Variants in PRIMPOL observed in about 807,000 individuals in gnomAD.
PRIMPOL encodes primase and DNA directed polymerase, also known as DNA-directed primase/polymerase protein.
A neutral mutation model predicts 63.6 loss-of-function variants in PRIMPOL; 54 were observed. The ratio of observed to expected loss-of-function variants is 0.85; its 90% confidence interval spans 0.68 to 1.07. PRIMPOL has a LOEUF of 1.07. Among genes scored for constraint, PRIMPOL ranks in the 50% least tolerant of loss-of-function variants. The pLI is 0.00. For missense variants in PRIMPOL, 610 were observed against 648.3 expected (o/e 0.94, Z 0.64); for synonymous variants, 197 against 220.2 (o/e 0.89, Z 0.93).
chr4:184,660,513 G>A (rs1242425647), intron 4 of PRIMPOL, among the ~76,000 whole-genome samples: 2 of 152,182 alleles, frequency 1.3e-5, no homozygotes, highest in African/African-American at 4.8e-5. Flanking sequence ...TGAGTAATGT[G>A]TGGAAAAGGA....
In PRIMPOL at chr4:184,694,275, T is replaced by G. The variant is rs546808325; in HGVS notation, c.1426-247T>G. 4 of 1,238,238 alleles carry G rather than the reference T, an allele frequency of 3.2e-6. No individual in the cohort carries two copies. The Admixed American group carries it at 1.5e-4, about 45-fold the overall frequency. 76.7% of individuals were successfully genotyped at this position (1,238,238 alleles called of 1,614,324 possible). On this transcript the variant is annotated intron_variant, in intron 13 of 13. Transcript: ENST00000314970. ...TCTTCCGTCGGGGAGTATTGAAAAG[T>G]ATGTGCACAGAACTGTAGGTAATTT...
chr4:184,683,367 A>C (rs1206365040), intron 9 of PRIMPOL, among the ~76,000 whole-genome samples: 1 of 151,774 alleles, frequency 6.6e-6, no homozygotes, highest in Non-Finnish European at 1.5e-5. Context: ...GGTTGCAGTG[A>C]GCTGAGATTG....
rs1459626571 is a variant in PRIMPOL, at chr4:184,672,366, G to A, written c.750G>A (p.Leu250=). The change falls in exon 7 of 14, where the codon CTG becomes CTA. Residue 250 remains leucine, a synonymous_variant. Coordinates refer to ENST00000314970, the MANE Select transcript of PRIMPOL (RefSeq NM_152683.4). ...EESWTSNSKK[L]ERLGSAEQSS... ...GCTGGACATCGAATTCAAAGAAACT[G>A]GAGAGGCTGGGGTCAGCTGAGCAAA... 1 of 1,614,120 alleles carries A rather than the reference G, an allele frequency of 6.2e-7. No homozygotes were observed. The highest frequency in any genetic ancestry group is 8.5e-7 in the Non-Finnish European group (1 of 1,179,996).
At position 184,659,393 on chromosome 4, in the gene PRIMPOL, C is replaced by T; in HGVS notation, c.234C>T (p.Tyr78=). 6.2e-7 allele frequency: 1 copy of T among 1,613,906 alleles called. No individual in the cohort carries two copies. The highest frequency in any genetic ancestry group is 8.5e-7 in the Non-Finnish European group (1 of 1,179,820). The change falls in exon 4 of 14, where the codon TAC becomes TAT. Residue 78 remains tyrosine, a synonymous_variant. Transcript: ENST00000314970. ...AAGTAGGAGATGGACAACGTATTTA[C>T]CTTGTGACAACCTATGCTGAATTTT... The part of the protein sequence containing the change: ...ECKVGDGQRI[Y]LVTTYAEFWF...
intron 5 of PRIMPOL, among the ~76,000 whole-genome samples, chr4:184,663,590 T>C (rs1281032681): frequency 6.6e-6 from 1 of 152,194 alleles, no homozygotes; most frequent in Non-Finnish European, 1.5e-5. Flanking sequence ...GCAAAGACCA[T>C]GTAGGTGTTT....
At chr4:184,654,454 T>TTTTTTTTTTTTGG (rs1220559115) in intron 2 of PRIMPOL, among the ~76,000 whole-genome samples, 1 of 112,356 alleles carries the variant, frequency 8.9e-6, no homozygotes, top group Non-Finnish European at 2.0e-5. Context: ...GTTAAAGCAG[T>TTTTTTTTTTTTGG]TTTTTTTTTT....
chr4:184,671,942 G>C (rs372414610), intron 6 of PRIMPOL, among the ~76,000 whole-genome samples: 1 of 151,714 alleles, frequency 6.6e-6, no homozygotes, highest in Non-Finnish European at 1.5e-5. Flanking sequence ...GGGTTTCACC[G>C]TGTTAACCAG....
intron 8 of PRIMPOL, among the ~76,000 whole-genome samples, chr4:184,679,710 C>G (rs1263137681): frequency 1.3e-5 from 2 of 152,146 alleles, no homozygotes; most frequent in Non-Finnish European, 2.9e-5. Flanking sequence ...AGCAATACCA[C>G]CTTCCCACCT....
At position 184,694,920 on chromosome 4, in the gene PRIMPOL, A is replaced by G. The variant is rs1760187124; in HGVS notation, c.*141A>G. The G allele has an allele frequency of 1.5e-6, 1 of 674,946 alleles. No individual in the cohort carries two copies. The highest frequency in any genetic ancestry group is 2.4e-6 in the Non-Finnish European group (1 of 415,508). 41.8% of individuals were successfully genotyped at this position (674,946 alleles called of 1,614,324 possible). On this transcript the variant is annotated 3_prime_UTR_variant, in exon 14 of 14. Transcript: ENST00000314970. ...CAATTTTTGTTTTTTACTTCTGTAAACCAATTTCATTAAAAATTAGCTTTG... is the reference window on the plus strand; with the variant it reads ...CAATTTTTGTTTTTTACTTCTGTAAGCCAATTTCATTAAAAATTAGCTTTG...
rs1224803801 is a variant in PRIMPOL at position 184,672,441 on chromosome 4, G to T, written c.825G>T (p.Lys275Asn). Residue 275 changes from lysine to asparagine, a missense_variant, in exon 7 of 14, where the codon AAG (lysine) becomes AAT (asparagine). Around this residue, in one of 3 missense-constraint regions of PRIMPOL, gnomAD observed 444 missense variants for 456.4 expected, o/e 0.97. Coordinates refer to ENST00000314970, the MANE Select transcript of PRIMPOL (RefSeq NM_152683.4). The part of the protein sequence containing the change: ...FLVVKNNMGE[K>N]HLFVDLGVYT... ...TTGTGAAGAATAACATGGGAGAGAA[G>T]CATCTTTTTGTAGATCTCGGTAAGT... The T allele has an allele frequency of 6.2e-7, 1 of 1,608,948 alleles. No individual in the cohort carries two copies. Among genetic ancestry groups the T allele is most frequent in the Admixed American group, 1.7e-5 (1 of 58,874 alleles).
At chr4:184,691,464 G>A (rs373244833) in intron 11 of PRIMPOL, 35 bp from the exon 12 acceptor site, 104 of 1,255,724 alleles carry the variant, frequency 8.3e-5, no homozygotes, top group Non-Finnish European at 1.0e-4. Flanking sequence ...CCCAGTCTTG[G>A]TATTAATACT....
At chr4:184,692,210 A>T (rs1758768039) in intron 13 of PRIMPOL, among the ~76,000 whole-genome samples, 1 of 152,204 alleles carries the variant, frequency 6.6e-6, no homozygotes, top group Non-Finnish European at 1.5e-5. Context: ...ACAGTGGCTC[A>T]GGCCTGTAAT....
intron 5 of PRIMPOL, among the ~76,000 whole-genome samples, chr4:184,663,326 C>T (rs528245931): frequency 1.1e-4 from 16 of 151,982 alleles, no homozygotes; most frequent in South Asian, 2.1e-4. Context: ...ATTATAGGCG[C>T]GAGCCATTGT....
At position 184,661,873 on chromosome 4, in the gene PRIMPOL, T is replaced by G. The variant is rs1274522192; in HGVS notation, c.378T>G (p.Asp126Glu). Residue 126 changes from aspartate (D) to glutamate (E), a missense_variant, in exon 5 of 14, where the codon GAT (aspartate) becomes GAG (glutamate). By Grantham distance (45) the Asp-to-Glu change is conservative. Around this residue, in one of 3 missense-constraint regions of PRIMPOL, gnomAD observed 159 missense variants for 168.9 expected, o/e 0.94. Coordinates refer to ENST00000314970, the MANE Select transcript of PRIMPOL (RefSeq NM_152683.4). ...ACAAACCTGCCAACCCAGGAGCTGATGGGAAAAAGATGGTTGCATTACTCA... is the reference window on the plus strand; with the variant it reads ...ACAAACCTGCCAACCCAGGAGCTGAGGGGAAAAAGATGGTTGCATTACTCA... ...EFNKPANPGA[D>E]GKKMVALLIE... 6.2e-7 allele frequency: 1 copy of G among 1,613,630 alleles called. No individual in the cohort carries two copies. The highest frequency in any genetic ancestry group is 1.1e-5 in the South Asian group (1 of 91,030).
intron 11 of PRIMPOL, 126 bp from the exon 12 acceptor site, chr4:184,691,373 C>T: frequency 1.6e-6 from 1 of 640,904 alleles, no homozygotes. Flanking sequence ...CTATCCTTAT[C>T]CTTTTACTTT....
intron 11 of PRIMPOL, among the ~76,000 whole-genome samples, chr4:184,689,703 C>G (rs1184553075): frequency 6.6e-6 from 1 of 152,046 alleles, no homozygotes; most frequent in East Asian, 1.9e-4. Flanking sequence ...ATCCACCCAC[C>G]TCGGCCTCCC....
At chr4:184,671,567 T>C (rs1243459740) in intron 6 of PRIMPOL, among the ~76,000 whole-genome samples, 1 of 152,156 alleles carries the variant, frequency 6.6e-6, no homozygotes, top group Non-Finnish European at 1.5e-5. Flanking sequence ...TGACAGCCTC[T>C]TAGGCTCAGG....
intron 11 of PRIMPOL, among the ~76,000 whole-genome samples, chr4:184,688,092 C>T (rs1579641155): frequency 6.6e-6 from 1 of 152,172 alleles, no homozygotes; most frequent in Non-Finnish European, 1.5e-5. Context: ...TATCTGTTTT[C>T]CCACAGTGGA....
At chr4:184,660,635 A>G (rs1029373194) in intron 4 of PRIMPOL, among the ~76,000 whole-genome samples, 28 of 152,250 alleles carry the variant, frequency 1.8e-4, no homozygotes, top group African/African-American at 6.8e-4. Flanking sequence ...ATGCAACACC[A>G]GTTAGAGTTG....
Sources: gnomAD v4.1 joint callset for allele counts (sites outside exome capture counted in the v4.1 genomes callset) on GRCh38, gnomAD v4.1.1 for gene constraint, gnomAD v4.1.1 regional missense constraint, MANE v1.5 for transcripts, NCBI Gene and HGNC (gene_info 2026-07-23, HGNC 2026-07-21) for gene names.